Variants in CTSZ observed in about 807,000 individuals in gnomAD.
CTSZ encodes the protein cathepsin Z.
Under a neutral mutation model 32.4 loss-of-function variants are expected in CTSZ, and 39 were observed. The ratio of observed to expected loss-of-function variants is 1.20; its 90% confidence interval spans 0.93 to 1.57. CTSZ has a LOEUF of 1.57. Among genes scored for constraint, CTSZ ranks in the 40% most tolerant of loss-of-function variants. The probability of loss-of-function intolerance (pLI) is 0.00; values close to 1 mark genes in which losing one functional copy is unlikely to be tolerated. For missense variants in CTSZ, 397 were observed against 419.6 expected (o/e 0.95, Z 0.47); for synonymous variants, 168 against 170.1 (o/e 0.99, Z 0.10).
At chr20:59,006,725 T>TGCCGC (rs1217438442) in intron 1 of CTSZ, among the ~76,000 whole-genome samples, 1 of 152,174 alleles carries the variant, frequency 6.6e-6, no homozygotes, top group Non-Finnish European at 1.5e-5. Flanking sequence ...CCCCCAGCCA[T>TGCCGC]GCCGCGCCGT....
chr20:59,005,786 G>A (rs1164671824), intron 2 of CTSZ, among the ~76,000 whole-genome samples: 1 of 152,114 alleles, frequency 6.6e-6, no homozygotes, highest in East Asian at 1.9e-4. Flanking sequence ...CAGCAGCCTC[G>A]TTGATAGGGA....
chr20:59,005,604 A>C (rs1440839616), intron 2 of CTSZ, among the ~76,000 whole-genome samples: 1 of 152,184 alleles, frequency 6.6e-6, no homozygotes, highest in Non-Finnish European at 1.5e-5. Context: ...CACAGTGCTC[A>C]TGGGCCAAAC....
chr20:58,998,552 A>AAAAAAAAAAAAG (rs368429073), intron 3 of CTSZ, among the ~76,000 whole-genome samples: 7 of 145,350 alleles, frequency 4.8e-5, no homozygotes, highest in African/African-American at 1.3e-4. Flanking sequence ...GTCTCAAAAA[A>AAAAAAAAAAAAG]AAAGAAAGAA....
Position 59,004,698 on chromosome 20 carries a change from G to A in CTSZ, c.307+1624C>T, listed in dbSNP as rs1221872314. Among the ~76,000 whole-genome samples the A allele has an allele frequency of 2.0e-5, 3 of 152,108 alleles. No individual in the cohort carries two copies. The highest frequency in any genetic ancestry group is 2.4e-5 in the African/African-American group (1 of 41,410). ...AGGGAAGACAAATGGAGGACCTGCTGCCTTGGCTGGCAAATGGCCAGGGCC... is the reference window on the plus strand; with the variant it reads ...AGGGAAGACAAATGGAGGACCTGCTACCTTGGCTGGCAAATGGCCAGGGCC... On this transcript the variant is annotated intron_variant, in intron 2 of 5. Coordinates refer to ENST00000217131, the MANE Select transcript of CTSZ (RefSeq NM_001336.4). This position sits in a 1 kb window ranked among gnomAD's most constrained non-coding sequence, Gnocchi z 5.6.
intron 4 of CTSZ, among the ~76,000 whole-genome samples, chr20:58,997,104 G>A (rs527282200): frequency 2.0e-5 from 3 of 147,962 alleles, no homozygotes; most frequent in Non-Finnish European, 3.0e-5. Context: ...CAAGGCTGCA[G>A]TGAGCGAAGA....
chr20:59,005,864 A>G (rs1258460741), intron 2 of CTSZ, among the ~76,000 whole-genome samples: 1 of 152,204 alleles, frequency 6.6e-6, no homozygotes, highest in Non-Finnish European at 1.5e-5. Context: ...AGCCTAAGAT[A>G]GAAACCCACC....
intron 2 of CTSZ, 40 bp from the exon 3 acceptor site, chr20:59,001,684 C>A (rs139108139): frequency 1.9e-6 from 3 of 1,592,656 alleles, no homozygotes; most frequent in Non-Finnish European, 2.6e-6. Context: ...CTCACCCACT[C>A]TCCACCCACT....
Position 59,006,453 on chromosome 20 carries a change from G to A in CTSZ, c.176C>T (p.Pro59Leu). 6.2e-7 allele frequency: 1 copy of A among 1,613,792 alleles called. No individual in the cohort carries two copies. Among genetic ancestry groups the A allele is most frequent in the Non-Finnish European group, 8.5e-7 (1 of 1,179,980 alleles). ...GTCCCAGCTCTTGGGCAGATCCGCT[G>A]GGGACAGGTACTCATGAGGCCGGGG... Reference protein sequence around the residue: ...TYPRPHEYLSPADLPKSWDWR... With the variant: ...TYPRPHEYLSLADLPKSWDWR... Residue 59 changes from proline to leucine, a missense_variant, in exon 2 of 6, where the codon CCA becomes CTA. Coordinates refer to ENST00000217131, the MANE Select transcript of CTSZ (RefSeq NM_001336.4).
Position 59,004,579 on chromosome 20 carries a change from G to A in CTSZ, c.307+1743C>T, listed in dbSNP as rs1007226261. Among the ~76,000 whole-genome samples, 3 of 152,078 alleles carry A rather than the reference G, an allele frequency of 2.0e-5. No homozygotes were observed. Among genetic ancestry groups the A allele is most frequent in the Admixed American group, 6.5e-5 (1 of 15,272 alleles). The stretch of plus-strand genomic sequence containing the variant: ...GAATTGGGGCGGGGTGGGGCCGGGG[G>A]CTTTGTGTTCCTTTTTTCCAGGTGG... On this transcript the variant is annotated intron_variant, in intron 2 of 5. Transcript: ENST00000217131. This position sits in a 1 kb window ranked among gnomAD's most constrained non-coding sequence, Gnocchi z 5.6.
chr20:59,005,261 G>A (rs920396459), intron 2 of CTSZ, among the ~76,000 whole-genome samples: 13 of 152,108 alleles, frequency 8.5e-5, no homozygotes, highest in Admixed American at 2.0e-4. Flanking sequence ...TGGCTCTGGG[G>A]TCCAGACCCT....
In CTSZ at chr20:59,002,325, A is replaced by G. The variant is rs1481126344; in HGVS notation, c.308-681T>C. On this transcript the variant is annotated intron_variant, in intron 2 of 5. Transcript: ENST00000217131. The surrounding 1 kb of genome is among the most constrained non-coding windows in gnomAD (Gnocchi z 4.1). ...GCTTCCCTTCCCATGCACAAATGCAATAAAACAGATCCTAGAAGGAAATCC... is the reference window on the plus strand; with the variant it reads ...GCTTCCCTTCCCATGCACAAATGCAGTAAAACAGATCCTAGAAGGAAATCC... Among the ~76,000 whole-genome samples, 2 of 152,150 alleles carry G rather than the reference A, an allele frequency of 1.3e-5. No individual in the cohort carries two copies. Among genetic ancestry groups the G allele is most frequent in the Non-Finnish European group, 2.9e-5 (2 of 68,004 alleles).
At chr20:58,996,596 G>T (rs1309227318) in intron 5 of CTSZ, 43 bp downstream of exon 5, 2 of 1,603,352 alleles carry the variant, frequency 1.2e-6, no homozygotes, top group South Asian at 1.1e-5. Flanking sequence ...GTACCAGGAC[G>T]TTTTTTTCTA....
In CTSZ at chr20:58,995,750, C is replaced by A. The variant is rs765511554; in HGVS notation, c.811G>T (p.Gly271Cys). Residue 271 changes from glycine to cysteine, a missense_variant, in exon 6 of 6, where the codon GGC becomes TGC. Physicochemically the swap from Gly to Cys is radical, Grantham distance 159. Transcript: ENST00000217131. ...GTGCTGGTCACGATCCTCAGCCAGC[C>A]TCTCTCGCCCTGTGAGAAGTGGGAT... is the stretch of plus-strand genomic sequence containing the variant. ...NSWGEPWGERGWLRIVTSTYK... is the reference protein window; with the variant it reads ...NSWGEPWGERCWLRIVTSTYK... 6.2e-7 allele frequency: 1 copy of A among 1,614,038 alleles called. No individual in the cohort carries two copies. Among genetic ancestry groups the A allele is most frequent in the South Asian group, 1.1e-5 (1 of 91,054 alleles).
rs993059438 is a variant in CTSZ, at chr20:59,002,017, C to T, written c.308-373G>A. Reference sequence around the variant, plus strand: ...TCAGCCACCCATGGCAAGTGGGCCACACCCCAAAGCCAGCCAGGAGAGACC... The same window carrying T: ...TCAGCCACCCATGGCAAGTGGGCCATACCCCAAAGCCAGCCAGGAGAGACC... On this transcript the variant is annotated intron_variant, in intron 2 of 5. Coordinates refer to ENST00000217131, the MANE Select transcript of CTSZ (RefSeq NM_001336.4). The surrounding 1 kb of genome is among the most constrained non-coding windows in gnomAD (Gnocchi z 4.1). Among the ~76,000 whole-genome samples the T allele has an allele frequency of 1.3e-5, 2 of 152,276 alleles. No homozygotes were observed. Among genetic ancestry groups the T allele is most frequent in the African/African-American group, 4.8e-5 (2 of 41,482 alleles).
intron 3 of CTSZ, among the ~76,000 whole-genome samples, chr20:59,000,896 C>T (rs2091885910): frequency 6.8e-6 from 1 of 147,254 alleles, no homozygotes; most frequent in African/African-American, 2.5e-5. Context: ...GTGGCGCGAT[C>T]TTGGCTCACT....
At chr20:58,997,838 CTCA>C in intron 3 of CTSZ, 85 bp from the exon 4 acceptor site, 2 of 1,269,582 alleles carry the variant, frequency 1.6e-6, no homozygotes, top group Non-Finnish European at 2.2e-6. Flanking sequence ...ACTCTCCACT[CTCA>C]TCATGCAGCC....
At chr20:59,001,355 A>G (rs1220890226) in intron 3 of CTSZ, 110 bp downstream of exon 3, 4 of 1,288,456 alleles carry the variant, frequency 3.1e-6, no homozygotes, top group Non-Finnish European at 4.2e-6. Flanking sequence ...CTCCCCAGCC[A>G]CCAGCCAATG....
Position 59,001,570 on chromosome 20 carries a change from T to C in CTSZ, c.382A>G (p.Asn128Asp), listed in dbSNP as rs2091889540. The stretch of plus-strand genomic sequence containing the variant: ...TTACCCCCTTCACAGGAGCCAGCGT[T>C]ACCGCAGTCGATGACGTTCTGCACG... ...LSVQNVIDCG[N>D]AGSCEGGNDL... The change falls in exon 3 of 6, where the codon AAC becomes GAC. Residue 128 changes from asparagine (N) to aspartate (D), a missense_variant. Asn to Asp is a conservative substitution (Grantham distance 23). Coordinates refer to ENST00000217131, the MANE Select transcript of CTSZ (RefSeq NM_001336.4). 3 of 1,614,192 alleles carry C rather than the reference T, an allele frequency of 1.9e-6. No individual in the cohort carries two copies. Among genetic ancestry groups the C allele is most frequent in the Non-Finnish European group, 2.5e-6 (3 of 1,180,022 alleles).
At chr20:58,997,090 C>T (rs777053367) in intron 4 of CTSZ, among the ~76,000 whole-genome samples, 2 of 139,728 alleles carry the variant, frequency 1.4e-5, no homozygotes, top group Admixed American at 8.0e-5. Context: ...TGAGCCCGGG[C>T]GGTCAAGGCT....
Sources: allele counts gnomAD v4.1 joint callset (sites outside exome capture counted in the v4.1 genomes callset), GRCh38; gene constraint gnomAD v4.1.1; non-coding constraint Gnocchi (gnomAD v3.1); transcripts MANE v1.5; gene names NCBI Gene and HGNC (gene_info 2026-07-23, HGNC 2026-07-21).